The following PAPSS1 variants were observed in gnomAD, a reference collection of about 807,000 sequenced individuals.
The protein encoded by PAPSS1 is 3'-phosphoadenosine 5'-phosphosulfate synthase 1.
A neutral mutation model predicts 72.0 loss-of-function variants in PAPSS1; 50 were observed. That is an observed-to-expected ratio of 0.69 (90% CI 0.55 to 0.88). The LOEUF (loss-of-function observed/expected upper bound fraction) is 0.88, where lower values mean the gene tolerates loss of function less well. PAPSS1 is among the 40% of genes least tolerant of loss of function. The probability of loss-of-function intolerance (pLI) is 0.00; values close to 1 mark genes in which losing one functional copy is unlikely to be tolerated. For synonymous variants in PAPSS1, 261 were observed against 263.6 expected, an observed-to-expected ratio of 0.99 and a Z score of 0.09; for missense variants, 657 against 782.2, an observed-to-expected ratio of 0.84 and a Z score of 1.91.
intron 5 of PAPSS1, among the ~76,000 whole-genome samples, chr4:107,667,157 G>A (rs756109253): frequency 4.6e-5 from 7 of 152,154 alleles, no homozygotes; most frequent in Non-Finnish European, 8.8e-5. Flanking sequence ...AATGTGCGAC[G>A]TAAAGCCTAC....
chr4:107,645,162 G>T, intron 9 of PAPSS1, 92 bp from the exon 10 acceptor site: 2 of 934,738 alleles, frequency 2.1e-6, no homozygotes, highest in Non-Finnish European at 1.5e-6. Context: ...TTGATACTTA[G>T]GATTAAGCAA....
In PAPSS1 at chr4:107,614,240, G is replaced by C; in HGVS notation, c.*9C>G. The stretch of plus-strand genomic sequence containing the variant: ...AATGTGTCAAAGGTGGAGTGACTGG[G>C]TTAACAGCCTAAGCTTTCTCCAAGG... On this transcript the variant is annotated 3_prime_UTR_variant, in exon 12 of 12. Transcript: ENST00000265174. The C allele has an allele frequency of 6.2e-7, 1 of 1,611,666 alleles. No individual in the cohort carries two copies. The highest frequency in any genetic ancestry group is 8.5e-7 in the Non-Finnish European group (1 of 1,178,718).
At chr4:107,636,878 G>A (rs2110306317) in intron 10 of PAPSS1, among the ~76,000 whole-genome samples, 1 of 152,224 alleles carries the variant, frequency 6.6e-6, no homozygotes, top group South Asian at 2.1e-4. Flanking sequence ...CCTTCCCAAA[G>A]ACATTTGTGG....
At chr4:107,703,414 C>CAAAAAAAAAA (rs35894658) in intron 1 of PAPSS1, among the ~76,000 whole-genome samples, 1 of 144,566 alleles carries the variant, frequency 6.9e-6, no homozygotes, top group Non-Finnish European at 1.5e-5. Flanking sequence ...GAGTCATATC[C>CAAAAAAAAAA]AAAAAAAAAA....
chr4:107,634,234 T>G (rs1726299619), intron 10 of PAPSS1, among the ~76,000 whole-genome samples: 1 of 152,020 alleles, frequency 6.6e-6, no homozygotes, highest in South Asian at 2.1e-4. Flanking sequence ...CAGGCTAGTC[T>G]TGAACTCCCG....
chr4:107,614,467 A>G, intron 11 of PAPSS1, 80 bp from the exon 12 acceptor site: 1 of 1,052,632 alleles, frequency 9.5e-7, no homozygotes. Flanking sequence ...CCTTCTGTTC[A>G]TATTAGACAA....
At chr4:107,716,127 G>C (rs1206572935) in intron 1 of PAPSS1, among the ~76,000 whole-genome samples, 1 of 152,154 alleles carries the variant, frequency 6.6e-6, no homozygotes, top group African/African-American at 2.4e-5. Context: ...TGTTATATCA[G>C]GAAAAGCTCA....
At chr4:107,707,456 T>G (rs533512332) in intron 1 of PAPSS1, among the ~76,000 whole-genome samples, 3 of 152,138 alleles carry the variant, frequency 2.0e-5, no homozygotes, top group African/African-American at 7.2e-5. Context: ...CAGGGTAGGC[T>G]TGGACGCTCA....
At chr4:107,660,160 A>G (rs894498986) in intron 5 of PAPSS1, 88 bp from the exon 6 acceptor site, 26 of 664,528 alleles carry the variant, frequency 3.9e-5, no homozygotes, top group Middle Eastern at 8.2e-4. Context: ...AATCTCTCAA[A>G]ATAAAACCAA....
At chr4:107,716,338 C>G (rs949746080) in intron 1 of PAPSS1, among the ~76,000 whole-genome samples, 1 of 152,080 alleles carries the variant, frequency 6.6e-6, no homozygotes, top group Non-Finnish European at 1.5e-5. Flanking sequence ...AACAGGCATC[C>G]CAGGGAGAAG....
chr4:107,621,644 G>A (rs1227753199), intron 11 of PAPSS1, among the ~76,000 whole-genome samples: 1 of 52,742 alleles, frequency 1.9e-5, no homozygotes, highest in African/African-American at 7.8e-5. Context: ...TTTTTGAGAA[G>A]GAGTCTTGCT....
intron 7 of PAPSS1, among the ~76,000 whole-genome samples, chr4:107,655,751 G>A (rs1726989044): frequency 6.6e-6 from 1 of 152,194 alleles, no homozygotes; most frequent in African/African-American, 2.4e-5. Context: ...TAGGTAAAGT[G>A]TAACATGGAA....
In PAPSS1 at chr4:107,646,338, T is replaced by C. The variant is rs937344066; in HGVS notation, c.1238-1268A>G. On this transcript the variant is annotated intron_variant, in intron 9 of 11. Coordinates refer to ENST00000265174, the MANE Select transcript of PAPSS1 (RefSeq NM_005443.5). ...ACACACACACACACATACACACACA[T>C]ACACACATACACACACACACATCTC... 1.2e-4 allele frequency among the ~76,000 whole-genome samples: 17 copies of C among 139,650 alleles called. No individual in the cohort carries two copies. In the East Asian group the frequency reaches 2.2e-3, roughly 18 times the overall value. The allele number at this position is 139,650 out of a possible 152,430, so 91.6% of individuals were successfully genotyped here. A position where few individuals can be genotyped will look rare whatever the true frequency, so the allele number is the denominator to read the frequency against.
chr4:107,620,089 T>C (rs576399325), intron 11 of PAPSS1, among the ~76,000 whole-genome samples: 1 of 152,342 alleles, frequency 6.6e-6, no homozygotes, highest in South Asian at 2.1e-4. Context: ...GGACAAGAGC[T>C]GGGGTCAGCA....
chr4:107,712,494 C>A (rs1237033644), intron 1 of PAPSS1, among the ~76,000 whole-genome samples: 3 of 152,182 alleles, frequency 2.0e-5, no homozygotes, highest in African/African-American at 7.2e-5. Flanking sequence ...ATAAGACTAA[C>A]CACAAAAACT....
intron 1 of PAPSS1, among the ~76,000 whole-genome samples, chr4:107,717,724 C>T (rs1413233453): frequency 6.6e-6 from 1 of 152,174 alleles, no homozygotes; most frequent in Non-Finnish European, 1.5e-5. Flanking sequence ...CTAATATCAC[C>T]CTTACCCCCG....
chr4:107,683,220 A>G (rs1369709809), intron 4 of PAPSS1, among the ~76,000 whole-genome samples: 1 of 152,162 alleles, frequency 6.6e-6, no homozygotes, highest in African/African-American at 2.4e-5. Context: ...GAGTTCAAAA[A>G]TATATACTAC....
In PAPSS1 at chr4:107,633,730, T is replaced by C. The variant is rs181973694; in HGVS notation, c.1507-1870A>G. Reference sequence around the variant, plus strand: ...GTCAGGAGATTGAGACCATCCTGGCTAACACGGTGAAACCCCATCTCTACT... The same window carrying C: ...GTCAGGAGATTGAGACCATCCTGGCCAACACGGTGAAACCCCATCTCTACT... On this transcript the variant is annotated intron_variant, in intron 10 of 11. Transcript: ENST00000265174. Among the ~76,000 whole-genome samples the C allele has an allele frequency of 9.7e-3, 1,476 of 151,836 alleles. 10 individuals carry two copies. Among genetic ancestry groups the C allele is most frequent in the Non-Finnish European group, 0.015 (1,003 of 67,912 alleles).
chr4:107,680,192 T>C (rs1485430218), intron 5 of PAPSS1, among the ~76,000 whole-genome samples: 1 of 151,756 alleles, frequency 6.6e-6, no homozygotes, highest in African/African-American at 2.4e-5. Context: ...GAAAAAAATA[T>C]ATATCTACCC....
Sources: allele counts gnomAD v4.1 joint callset (sites outside exome capture counted in the v4.1 genomes callset), GRCh38; gene constraint gnomAD v4.1.1; transcripts MANE v1.5; gene names NCBI Gene and HGNC (gene_info 2026-07-23, HGNC 2026-07-21).